TTLL4: variants seen among roughly 807,000 people sequenced by gnomAD.
TTLL4 encodes tubulin monoglutamylase TTLL4.
TTLL4 carries 85 observed loss-of-function variants against 122.7 expected under a neutral mutation model. That is an observed-to-expected ratio of 0.69 (90% confidence interval 0.58 to 0.83). The LOEUF (loss-of-function observed/expected upper bound fraction) is 0.83. Ranked by LOEUF, TTLL4 falls within the 40% of genes least tolerant of loss-of-function variation. The probability of loss-of-function intolerance (pLI) is 0.00; values close to 1 mark genes in which losing one functional copy is unlikely to be tolerated. For missense variants in TTLL4, 1,363 were observed against 1,488.6 expected (o/e 0.92, Z 1.39); for synonymous variants, 553 against 563.0 (o/e 0.98, Z 0.25).
Position 218,748,000 on chromosome 2 carries a change from C to T in TTLL4, c.2379-105C>T. On this transcript the variant is annotated intron_variant, in intron 11 of 19. Transcript: ENST00000392102. The surrounding 1 kb of genome is among the most constrained non-coding windows in gnomAD (Gnocchi z 4.7). ...CAGGCTCTTGTGGCTATGAAAAGATCTGTGTACTTGTTCTACACCTCTTCA... is the reference window on the plus strand; with the variant it reads ...CAGGCTCTTGTGGCTATGAAAAGATTTGTGTACTTGTTCTACACCTCTTCA... 6.8e-7 allele frequency: 1 copy of T among 1,461,834 alleles called. No homozygotes were observed. The highest frequency in any genetic ancestry group is 9.4e-7 in the Non-Finnish European group (1 of 1,060,562). The allele number at this position is 1,461,834 out of a possible 1,614,324, so 90.6% of individuals were successfully genotyped here.
chr2:218,747,533 G>A lies in TTLL4; in HGVS notation c.2250-64G>A. 2 of 1,596,426 alleles carry A rather than the reference G, an allele frequency of 1.3e-6. No individual in the cohort carries two copies. Among genetic ancestry groups the A allele is most frequent in the Non-Finnish European group, 1.7e-6 (2 of 1,170,704 alleles). On this transcript the variant is annotated intron_variant, in intron 10 of 19. Transcript: ENST00000392102. The surrounding 1 kb of genome is among the most constrained non-coding windows in gnomAD (Gnocchi z 4.7). Reference sequence around the variant, plus strand: ...GGGACTGTTAGCTGGCTTTTCCTGTGGCTTGGTTACCCACTGAGCCCCATC... The same window carrying A: ...GGGACTGTTAGCTGGCTTTTCCTGTAGCTTGGTTACCCACTGAGCCCCATC...
chr2:218,751,809 A>T lies in TTLL4; in HGVS notation c.2976+3A>T. The T allele has an allele frequency of 6.3e-7, 1 of 1,595,348 alleles. No homozygotes were observed. Among genetic ancestry groups the T allele is most frequent in the Non-Finnish European group, 8.6e-7 (1 of 1,167,424 alleles). On this transcript the variant is annotated splice_donor_region_variant and intron_variant, in intron 16 of 19. Transcript: ENST00000392102. ...TGACCCAGAAAATTCCTGATCAGGT[A>T]GGAGATTGGTCTTCCCCCCAGTGCT... is the stretch of plus-strand genomic sequence containing the variant.
Position 218,745,059 on chromosome 2 carries a change from G to A in TTLL4, c.1662-50G>A, listed in dbSNP as rs748911278. 6 of 1,608,310 alleles carry A rather than the reference G, an allele frequency of 3.7e-6. No individual in the cohort carries two copies. In the East Asian group the frequency reaches 1.1e-4, roughly 30 times the overall value. On this transcript the variant is annotated intron_variant, in intron 5 of 19. Transcript: ENST00000392102. ...CGTACGTCGTAGTAACGACGCTTCA[G>A]GGCTGTTGCTTTTTCCCTTTCTCTA...
At chr2:218,744,841 T>C (rs926790035) in intron 5 of TTLL4, among the ~76,000 whole-genome samples, 2 of 152,220 alleles carry the variant, frequency 1.3e-5, no homozygotes, top group African/African-American at 4.8e-5. Context: ...GCCAATGTCT[T>C]GTCACGGGAA....
Position 218,750,116 on chromosome 2 carries a change from G to A in TTLL4, c.2843G>A (p.Ser948Asn). Residue 948 changes from serine to asparagine, a missense_variant, in exon 15 of 20, where the codon AGC becomes AAC. This residue lies in a region of TTLL4 where 596 missense variants were observed against 655.8 expected (regional missense o/e 0.91). Coordinates refer to ENST00000392102, the MANE Select transcript of TTLL4 (RefSeq NM_014640.5). The part of the protein sequence containing the change: ...VLPNAEDIIS[S>N]PSSCSSSTTS... ...CCCAATGCAGAGGATATCATTTCCA[G>A]CCCCAGCAGCTGCAGCAGCTCCACC... 6.2e-7 allele frequency: 1 copy of A among 1,613,864 alleles called. No individual in the cohort carries two copies. The highest frequency in any genetic ancestry group is 8.5e-7 in the Non-Finnish European group (1 of 1,179,870).
intron 12 of TTLL4, 59 bp downstream of exon 12, chr2:218,748,286 G>A (rs1383917032): frequency 1.2e-6 from 2 of 1,603,480 alleles, no homozygotes; most frequent in East Asian, 2.2e-5. Context: ...GGGTTCTGGG[G>A]TTTTGGGAGG....
rs1025601299 is a variant in TTLL4 at position 218,747,969 on chromosome 2, A to G, written c.2379-136A>G. On this transcript the variant is annotated intron_variant, in intron 11 of 19. Coordinates refer to ENST00000392102, the MANE Select transcript of TTLL4 (RefSeq NM_014640.5). The surrounding 1 kb of genome is among the most constrained non-coding windows in gnomAD (Gnocchi z 4.7). ...TTTTCAGAACTTTGCCAGTAGACACACTTCTCAGGCTCTTGTGGCTATGAA... is the reference window on the plus strand; with the variant it reads ...TTTTCAGAACTTTGCCAGTAGACACGCTTCTCAGGCTCTTGTGGCTATGAA... 2 of 1,294,256 alleles carry G rather than the reference A, an allele frequency of 1.5e-6. No homozygotes were observed. The highest frequency in any genetic ancestry group is 1.5e-5 in the African/African-American group (1 of 67,744). 80.2% of individuals were successfully genotyped at this position (1,294,256 alleles called of 1,614,324 possible). A position where few individuals can be genotyped will look rare whatever the true frequency, so the allele number is the denominator to read the frequency against.
At chr2:218,720,340 A>G (rs1331254634) in intron 1 of TTLL4, among the ~76,000 whole-genome samples, 1 of 152,224 alleles carries the variant, frequency 6.6e-6, no homozygotes. Flanking sequence ...GGGGTTGGGT[A>G]CAGCTGTGGC....
chr2:218,743,233 CT>C (rs928969369), intron 5 of TTLL4, among the ~76,000 whole-genome samples: 19 of 152,166 alleles, frequency 1.2e-4, no homozygotes, highest in Non-Finnish European at 2.2e-4. Flanking sequence ...CCTTAACCCC[CT>C]GGCAACCACT....
At chr2:218,719,570 TAAAA>T (rs542414750) in intron 1 of TTLL4, among the ~76,000 whole-genome samples, 2 of 135,752 alleles carry the variant, frequency 1.5e-5, no homozygotes, top group African/African-American at 5.6e-5. Flanking sequence ...AAATAAGCCT[TAAAA>T]AAAAAAAAAA....
In TTLL4 at chr2:218,747,309, T is replaced by TTG. The variant is rs1275459604; in HGVS notation, c.2187_2188dup (p.Gly730ValfsTer70). The TTG allele has an allele frequency of 1.2e-6, 2 of 1,614,168 alleles. No individual in the cohort carries two copies. Among genetic ancestry groups the TTG allele is most frequent in the Admixed American group, 3.3e-5 (2 of 60,020 alleles). On this transcript the variant is annotated frameshift_variant, in exon 10 of 20. Transcript: ENST00000392102. LOFTEE classifies it high-confidence loss of function. This position sits in a 1 kb window ranked among gnomAD's most constrained non-coding sequence, Gnocchi z 4.7. ...TCCTAGCCAGCATCAGCTCGAGGCA[T>TTG]TGGCATCCAGGTTATTCACAAGTGG...
intron 1 of TTLL4, among the ~76,000 whole-genome samples, chr2:218,716,057 TTATTG>T (rs1380188526): frequency 6.6e-6 from 1 of 152,178 alleles, no homozygotes; most frequent in African/African-American, 2.4e-5. Flanking sequence ...GTGTCACAGT[TTATTG>T]TATAGTGTCA....
chr2:218,712,568 T>C (rs1165714200), intron 1 of TTLL4, among the ~76,000 whole-genome samples: 1 of 152,122 alleles, frequency 6.6e-6, no homozygotes, highest in East Asian at 1.9e-4. Context: ...TTGTATTTTT[T>C]AGTAGAGACG....
chr2:218,733,228 C>G (rs555456023), intron 2 of TTLL4, among the ~76,000 whole-genome samples: 2 of 152,074 alleles, frequency 1.3e-5, no homozygotes, highest in African/African-American at 4.8e-5. Flanking sequence ...AGTTCGTTCT[C>G]GTACTGCTAT....
In TTLL4 at chr2:218,747,794, T is replaced by C; in HGVS notation, c.2378+69T>C. 5 of 1,587,304 alleles carry C rather than the reference T, an allele frequency of 3.1e-6. No individual in the cohort carries two copies. In the South Asian group the frequency reaches 3.4e-5, roughly 11 times the overall value. Reference sequence around the variant, plus strand: ...TTATTTTCCTTGGAGGGAGGGAAACTAGAAGACACCAAACAGAAAAATAGT... The same window carrying C: ...TTATTTTCCTTGGAGGGAGGGAAACCAGAAGACACCAAACAGAAAAATAGT... On this transcript the variant is annotated intron_variant, in intron 11 of 19. Coordinates refer to ENST00000392102, the MANE Select transcript of TTLL4 (RefSeq NM_014640.5). The surrounding 1 kb of genome is among the most constrained non-coding windows in gnomAD (Gnocchi z 4.7).
chr2:218,738,727 A>G lies in TTLL4; in HGVS notation c.1051A>G (p.Met351Val). ...ATTGACCGCAAGAGGCTTTGAGAAG[A>G]TGCCGAGGCAAGGCTGCCAGCTTGA... Reference protein sequence around the residue: ...RKLTARGFEKMPRQGCQLEQS... With the variant: ...RKLTARGFEKVPRQGCQLEQS... The change falls in exon 3 of 20, where the codon ATG (methionine) becomes GTG (valine). Residue 351 changes from methionine (M) to valine (V), a missense_variant. By Grantham distance (21) the Met-to-Val change is conservative. Around this residue, in one of 3 missense-constraint regions of TTLL4, gnomAD observed 760 missense variants for 808.4 expected, o/e 0.94. Transcript: ENST00000392102. 6.2e-7 allele frequency: 1 copy of G among 1,614,240 alleles called. No homozygotes were observed. Among genetic ancestry groups the G allele is most frequent in the Non-Finnish European group, 8.5e-7 (1 of 1,180,038 alleles).
intron 6 of TTLL4, 32 bp from the exon 7 acceptor site, chr2:218,745,659 C>G: frequency 1.4e-6 from 2 of 1,421,152 alleles, no homozygotes; most frequent in Admixed American, 1.9e-5. Context: ...CCTCTCCATC[C>G]CCCATCCCCA....
At chr2:218,740,371 T>A in intron 4 of TTLL4, 150 bp from the exon 5 acceptor site, 1 of 936,224 alleles carries the variant, frequency 1.1e-6, no homozygotes, top group Admixed American at 2.2e-5. Flanking sequence ...GCTGCTTCTG[T>A]TGAGGAAGGC....
Position 218,745,678 on chromosome 2 carries a change from G to A in TTLL4, c.1787-13G>A. The A allele has an allele frequency of 1.3e-6, 2 of 1,548,670 alleles. No homozygotes were observed. Among genetic ancestry groups the A allele is most frequent in the Non-Finnish European group, 1.8e-6 (2 of 1,128,466 alleles). On this transcript the variant is annotated splice_polypyrimidine_tract_variant and intron_variant, in intron 6 of 19. Transcript: ENST00000392102. ...TCCATCCCCCATCCCCACACCCCTT[G>A]CATTCTTCCCAGTGGAGAAACTTCC...
Sources: gnomAD v4.1 joint callset for allele counts (sites outside exome capture counted in the v4.1 genomes callset) on GRCh38, gnomAD v4.1.1 for gene constraint, gnomAD v4.1.1 regional missense constraint, Gnocchi (gnomAD v3.1) non-coding constraint, MANE v1.5 for transcripts, NCBI Gene and HGNC (gene_info 2026-07-23, HGNC 2026-07-21) for gene names.